BCKDHB: variants seen among roughly 807,000 people sequenced by gnomAD.
BCKDHB encodes branched chain keto acid dehydrogenase E1 subunit beta.
In BCKDHB, 41 loss-of-function variants were observed where a neutral mutation model predicts 48.5. The observed-to-expected ratio is 0.85, with a 90% CI of 0.66 to 1.10. The LOEUF (loss-of-function observed/expected upper bound fraction) is 1.10, where lower values mean the gene tolerates loss of function less well. Ranked by LOEUF, BCKDHB falls within the 50% of genes least tolerant of loss-of-function variation. The pLI is 0.00. For missense variants in BCKDHB, 496 were observed against 494.2 expected (o/e 1.00, Z -0.03); for synonymous variants, 201 against 174.8 (o/e 1.15, Z -1.18).
rs749848898 is a variant in BCKDHB, at chr6:80,201,051, A to G, written c.840+20A>G. On this transcript the variant is annotated intron_variant, in intron 7 of 9. Transcript: ENST00000320393. ...ACTCAGGTGAGTAGCATTGATCCCA[A>G]CTGTTAAAACCTACGTTGTGCTTGG... is the stretch of plus-strand genomic sequence containing the variant. 1.3e-6 allele frequency: 2 copies of G among 1,550,856 alleles called. No homozygotes were observed. Among genetic ancestry groups the G allele is most frequent in the South Asian group, 2.2e-5 (2 of 89,740 alleles).
At chr6:80,250,337 C>T (rs756136146) in intron 8 of BCKDHB, among the ~76,000 whole-genome samples, 2 of 152,116 alleles carry the variant, frequency 1.3e-5, no homozygotes, top group Non-Finnish European at 2.9e-5. Context: ...AGAATTGTGG[C>T]TGTAAAGTCC....
intron 9 of BCKDHB, among the ~76,000 whole-genome samples, chr6:80,332,402 C>A (rs1409305001): frequency 6.6e-6 from 1 of 152,120 alleles, no homozygotes; most frequent in Non-Finnish European, 1.5e-5. Context: ...CGAGACATTT[C>A]TTTAAATACT....
intron 1 of BCKDHB, among the ~76,000 whole-genome samples, chr6:80,110,029 A>C (rs1244145844): frequency 6.6e-6 from 1 of 152,258 alleles, no homozygotes; most frequent in Non-Finnish European, 1.5e-5. Context: ...CATGTCCTGC[A>C]AATACTTTTC....
At chr6:80,151,893 T>G (rs1486863629) in intron 3 of BCKDHB, among the ~76,000 whole-genome samples, 1 of 152,182 alleles carries the variant, frequency 6.6e-6, no homozygotes, top group South Asian at 2.1e-4. Context: ...TGTTTTCACT[T>G]ATAGTCAGGA....
chr6:80,151,902 G>A (rs568417557), intron 3 of BCKDHB, among the ~76,000 whole-genome samples: 1 of 152,242 alleles, frequency 6.6e-6, no homozygotes, highest in South Asian at 2.1e-4. Context: ...TTATAGTCAG[G>A]AATCAGCTGG....
the BCKDHB span, among the ~76,000 whole-genome samples, chr6:80,431,328 T>C: frequency 1.3e-5 from 2 of 152,216 alleles, no homozygotes; most frequent in African/African-American, 4.8e-5. Flanking sequence ...TGTGGATGTC[T>C]ATTAGGCCTG....
the BCKDHB span, among the ~76,000 whole-genome samples, chr6:80,360,521 C>G: frequency 6.6e-6 from 1 of 152,298 alleles, no homozygotes; most frequent in Non-Finnish European, 1.5e-5. Flanking sequence ...AATGTAATCT[C>G]TTTAATGTCA....
intron 9 of BCKDHB, among the ~76,000 whole-genome samples, chr6:80,283,739 G>T (rs1766485948): frequency 6.6e-6 from 1 of 151,792 alleles, no homozygotes. Flanking sequence ...AATTATAGTG[G>T]ATTTAAAATA....
intron 9 of BCKDHB, among the ~76,000 whole-genome samples, chr6:80,340,773 C>CTG (rs940749769): frequency 5.4e-5 from 8 of 147,610 alleles, no homozygotes; most frequent in African/African-American, 2.0e-4. Flanking sequence ...TATTTTTTTT[C>CTG]TGTGTGTGTG....
intron 6 of BCKDHB, among the ~76,000 whole-genome samples, chr6:80,193,921 A>G (rs535764348): frequency 2.0e-5 from 3 of 152,306 alleles, no homozygotes; most frequent in Admixed American, 2.0e-4. Context: ...AGTTAAATTT[A>G]TCCAGGAAGA....
At position 80,221,061 on chromosome 6, in the gene BCKDHB, TTTTTATTTGGG is replaced by T. The variant is rs368749267; in HGVS notation, c.951+17861_951+17871del. 5.3e-3 allele frequency among the ~76,000 whole-genome samples: 804 copies of T among 152,238 alleles called. 8 individuals carry two copies. Among genetic ancestry groups the T allele is most frequent in the African/African-American group, 0.019 (772 of 41,548 alleles). Reference sequence around the variant, plus strand: ...TGCCTGATTATCTCTGGCATCATGCTTTTTATTTGGGTTTTATTTGGGGGAAGTGGAGCAAT... The same window carrying T: ...TGCCTGATTATCTCTGGCATCATGCTTTTTATTTGGGGGAAGTGGAGCAAT... On this transcript the variant is annotated intron_variant, in intron 8 of 9. Coordinates refer to ENST00000320393, the MANE Select transcript of BCKDHB (RefSeq NM_183050.4).
intron 7 of BCKDHB, among the ~76,000 whole-genome samples, chr6:80,202,751 G>T (rs1442065749): frequency 1.4e-5 from 2 of 140,248 alleles, no homozygotes; most frequent in Non-Finnish European, 3.0e-5. Context: ...TCTCCTCTTG[G>T]TCCATTTTTT....
At chr6:80,159,741 C>G (rs187453563) in intron 3 of BCKDHB, among the ~76,000 whole-genome samples, 1 of 152,170 alleles carries the variant, frequency 6.6e-6, no homozygotes, top group African/African-American at 2.4e-5. Context: ...CCCACTGTTA[C>G]AATTGTGTCT....
chr6:80,399,064 G>A, the BCKDHB span, among the ~76,000 whole-genome samples: 1 of 151,980 alleles, frequency 6.6e-6, no homozygotes, highest in Non-Finnish European at 1.5e-5. Flanking sequence ...ACCTCATCCT[G>A]TTAAAAACTC....
intron 6 of BCKDHB, among the ~76,000 whole-genome samples, chr6:80,196,970 G>T (rs893217112): frequency 1.3e-5 from 2 of 152,136 alleles, no homozygotes; most frequent in African/African-American, 4.8e-5. Context: ...TTTATCTGAT[G>T]CTGAAGTGTT....
At chr6:80,249,535 A>G (rs772369318) in intron 8 of BCKDHB, among the ~76,000 whole-genome samples, 15 of 152,206 alleles carry the variant, frequency 9.9e-5, no homozygotes, top group Non-Finnish European at 2.2e-4. Flanking sequence ...TGACCAGGAC[A>G]TGTTGTACTC....
chr6:80,214,172 G>A (rs1775066598), intron 8 of BCKDHB, among the ~76,000 whole-genome samples: 1 of 152,160 alleles, frequency 6.6e-6, no homozygotes, highest in Non-Finnish European at 1.5e-5. Context: ...AAATTGTAGA[G>A]CTGGAATGGG....
chr6:80,266,548 T>C (rs979716912), intron 8 of BCKDHB, among the ~76,000 whole-genome samples: 3 of 152,136 alleles, frequency 2.0e-5, no homozygotes, highest in African/African-American at 7.2e-5. Flanking sequence ...TGTTCAGTAC[T>C]AACTCAGTGT....
intron 8 of BCKDHB, among the ~76,000 whole-genome samples, chr6:80,249,286 A>G (rs1776741774): frequency 6.6e-6 from 1 of 152,034 alleles, no homozygotes; most frequent in African/African-American, 2.4e-5. Context: ...TATTTACAGC[A>G]TTTTGGGAGG....
Sources: allele counts gnomAD v4.1 joint callset (sites outside exome capture counted in the v4.1 genomes callset), GRCh38; gene constraint gnomAD v4.1.1; transcripts MANE v1.5; gene names NCBI Gene and HGNC (gene_info 2026-07-23, HGNC 2026-07-21).